TNRC6B: variants seen among roughly 807,000 people sequenced by gnomAD.
TNRC6B encodes trinucleotide repeat containing adaptor 6B.
In TNRC6B, 52 loss-of-function variants were observed where a neutral mutation model predicts 203.6. The ratio of observed to expected loss-of-function variants is 0.26; its 90% confidence interval spans 0.20 to 0.32. The LOEUF (loss-of-function observed/expected upper bound fraction) is 0.32. Ranked by LOEUF, TNRC6B falls within the 10% of genes least tolerant of loss-of-function variation. The probability of loss-of-function intolerance (pLI) is 1.00; values close to 1 mark genes in which losing one functional copy is unlikely to be tolerated. For missense variants in TNRC6B, 1,923 were observed against 2,286.2 expected (o/e 0.84, Z 3.24); for synonymous variants, 838 against 845.7 (o/e 0.99, Z 0.16).
At chr22:40,132,969 A>AAAAAAAATATATATAT (rs1282694632) in intron 3 of TNRC6B, among the ~76,000 whole-genome samples, 1 of 78,188 alleles carries the variant, frequency 1.3e-5, no homozygotes, top group East Asian at 4.0e-4. Flanking sequence ...AAAAAAAAAA[A>AAAAAAAATATATATAT]ATATATATAT....
rs1174083732 is a variant in TNRC6B at position 40,326,392 on chromosome 22, T to A, written c.*3151T>A. The A allele has an allele frequency of 6.6e-6, 1 of 152,634 alleles. No individual in the cohort carries two copies. Among genetic ancestry groups the A allele is most frequent in the Non-Finnish European group, 1.5e-5 (1 of 68,038 alleles). 9.5% of individuals were successfully genotyped at this position (152,634 alleles called of 1,614,324 possible). The stretch of plus-strand genomic sequence containing the variant: ...TTTTAAAACACATAGAAATATTTTT[T>A]AAAAATTATCAATTTAGCAGCAACA... On this transcript the variant is annotated 3_prime_UTR_variant, in exon 23 of 23. Transcript: ENST00000454349.
chr22:40,065,825 C>T (rs1305705181), intron 1 of TNRC6B, among the ~76,000 whole-genome samples: 2 of 152,052 alleles, frequency 1.3e-5, no homozygotes, highest in African/African-American at 4.8e-5. Flanking sequence ...CTTAGTGCCC[C>T]ACGAATGATG....
At chr22:40,191,368 GT>G in intron 1 of TNRC6B, among the ~76,000 whole-genome samples, 1 of 152,118 alleles carries the variant, frequency 6.6e-6, no homozygotes, top group African/African-American at 2.4e-5. Flanking sequence ...TTTCATTATT[GT>G]TATTACTGGA....
At chr22:40,100,652 C>CT (rs1486258342) in intron 1 of TNRC6B, among the ~76,000 whole-genome samples, 1 of 152,064 alleles carries the variant, frequency 6.6e-6, no homozygotes, top group Non-Finnish European at 1.5e-5. Context: ...TCCCTAAACA[C>CT]TGGGGTTTTG....
chr22:40,130,024 G>A (rs1337910273), intron 3 of TNRC6B, among the ~76,000 whole-genome samples: 4 of 152,168 alleles, frequency 2.6e-5, no homozygotes, highest in Admixed American at 2.0e-4. Flanking sequence ...TTTTAAAAAT[G>A]AGTTATGACT....
intron 1 of TNRC6B, among the ~76,000 whole-genome samples, chr22:40,218,324 C>CTTTTTTTTTTTTTTTTTTT (rs71199275): frequency 2.1e-5 from 2 of 97,460 alleles, no homozygotes; most frequent in African/African-American, 3.7e-5. Context: ...TTTTTCTTTT[C>CTTTTTTTTTTTTTTTTTTT]TTTTTTTTTT....
At chr22:40,222,626 G>A (rs866592450) in intron 1 of TNRC6B, among the ~76,000 whole-genome samples, 4 of 149,218 alleles carry the variant, frequency 2.7e-5, no homozygotes, top group East Asian at 4.0e-4. Context: ...ATTTAAATTC[G>A]AGATAATTAT....
rs1364679450 is a variant in TNRC6B at position 40,312,846 on chromosome 22, A to G, written c.4583-56A>G. 7 of 1,536,422 alleles carry G rather than the reference A, an allele frequency of 4.6e-6. No individual in the cohort carries two copies. The African/African-American group carries it at 5.5e-5, about 12-fold the overall frequency. On this transcript the variant is annotated intron_variant, in intron 18 of 22. Coordinates refer to ENST00000454349, the MANE Select transcript of TNRC6B (RefSeq NM_001162501.2). ...TTAAACAAAATACTCTCAAGGTTTC[A>G]CTGGTTATACTGACATTTATCTTCA...
At chr22:40,284,827 A>G (rs953047077) in intron 11 of TNRC6B, among the ~76,000 whole-genome samples, 4 of 152,194 alleles carry the variant, frequency 2.6e-5, no homozygotes, top group African/African-American at 7.2e-5. Flanking sequence ...GAGAGAACAC[A>G]GTGTTGCATT....
chr22:40,221,195 G>A (rs951339380), intron 1 of TNRC6B, among the ~76,000 whole-genome samples: 6 of 152,230 alleles, frequency 3.9e-5, no homozygotes, highest in East Asian at 1.9e-4. Flanking sequence ...ACAGCATGGC[G>A]GGTAGTTTCT....
At chr22:40,052,444 A>ATTTT (rs908013463) in intron 1 of TNRC6B, among the ~76,000 whole-genome samples, 551 of 51,884 alleles carry the variant, frequency 0.011, 5 homozygotes, top group Non-Finnish European at 0.012. Flanking sequence ...TGTGTATTGT[A>ATTTT]TTTTTTTTTT....
chr22:40,097,839 A>G (rs1381330415), intron 1 of TNRC6B, among the ~76,000 whole-genome samples: 3 of 152,012 alleles, frequency 2.0e-5, no homozygotes, highest in African/African-American at 7.3e-5. Flanking sequence ...ATGTTTTATA[A>G]TGGCGTATCT....
In TNRC6B at chr22:40,293,946, GA is replaced by G. The variant is rs1019461239; in HGVS notation, c.3709-6496del. 2.6e-3 allele frequency among the ~76,000 whole-genome samples: 335 copies of G among 128,436 alleles called. 1 individual carries two copies. Among genetic ancestry groups the G allele is most frequent in the Middle Eastern group, 3.8e-3 (1 of 260 alleles). The allele number at this position is 128,436 out of a possible 152,430, so 84.3% of individuals were successfully genotyped here. On this transcript the variant is annotated intron_variant, in intron 12 of 22. Coordinates refer to ENST00000454349, the MANE Select transcript of TNRC6B (RefSeq NM_001162501.2). Reference sequence around the variant, plus strand: ...ATGACCAAAGTGTCTGCTCTACCTAGAAAAAAAAAAAAAGGCCAGGCACAGT... The same window carrying G: ...ATGACCAAAGTGTCTGCTCTACCTAGAAAAAAAAAAAAGGCCAGGCACAGT...
At chr22:40,213,827 T>G (rs1470030866) in intron 1 of TNRC6B, among the ~76,000 whole-genome samples, 1 of 152,168 alleles carries the variant, frequency 6.6e-6, no homozygotes, top group African/African-American at 2.4e-5. Flanking sequence ...TAGGAATAGC[T>G]AATCCAAAGT....
chr22:40,299,844 G>C (rs188106663), intron 12 of TNRC6B, among the ~76,000 whole-genome samples: 1 of 152,308 alleles, frequency 6.6e-6, no homozygotes, highest in Non-Finnish European at 1.5e-5. Context: ...CCAAAGATAG[G>C]AGGGAATCCT....
intron 2 of TNRC6B, among the ~76,000 whole-genome samples, chr22:40,250,933 CTT>C (rs11330855): frequency 0.011 from 1,511 of 133,152 alleles, 14 homozygotes; most frequent in African/African-American, 0.022. Flanking sequence ...GAGTGGAATG[CTT>C]TTTTTTTTTT....
At chr22:40,290,005 T>G (rs1011476084) in intron 12 of TNRC6B, among the ~76,000 whole-genome samples, 7 of 152,206 alleles carry the variant, frequency 4.6e-5, no homozygotes, top group Non-Finnish European at 1.0e-4. Context: ...GCGGATCCTT[T>G]TTTACCACTT....
At chr22:40,296,118 G>C (rs746000964) in intron 12 of TNRC6B, among the ~76,000 whole-genome samples, 19 of 152,044 alleles carry the variant, frequency 1.2e-4, no homozygotes, top group Non-Finnish European at 2.4e-4. Flanking sequence ...GAGAACGTGC[G>C]TACTTCCTAA....
chr22:40,052,320 TAAC>T (rs2067753949), intron 1 of TNRC6B, among the ~76,000 whole-genome samples: 1 of 152,166 alleles, frequency 6.6e-6, no homozygotes, highest in Non-Finnish European at 1.5e-5. Flanking sequence ...TTACAATATT[TAAC>T]AACAGATAAA....
Sources: gnomAD v4.1 joint callset for allele counts (sites outside exome capture counted in the v4.1 genomes callset) on GRCh38, gnomAD v4.1.1 for gene constraint, MANE v1.5 for transcripts, NCBI Gene and HGNC (gene_info 2026-07-23, HGNC 2026-07-21) for gene names.